METTL15: variants seen among roughly 807,000 people sequenced by gnomAD.
METTL15 encodes 12S rRNA N(4)-cytidine methyltransferase METTL15.
Under a neutral mutation model 38.3 loss-of-function variants are expected in METTL15, and 34 were observed. That is an observed-to-expected ratio of 0.89 (90% CI 0.68 to 1.18). METTL15 has a LOEUF of 1.18. METTL15 is among the 50% of genes most tolerant of loss of function. The probability of loss-of-function intolerance (pLI) is 0.00; values close to 1 mark genes in which losing one functional copy is unlikely to be tolerated. For missense variants in METTL15, 438 were observed against 498.4 expected (o/e 0.88, Z 1.15); for synonymous variants, 162 against 170.9 (o/e 0.95, Z 0.41).
chr11:28,194,210 T>TC (rs1286388425), intron 3 of METTL15, among the ~76,000 whole-genome samples: 1 of 131,764 alleles, frequency 7.6e-6, no homozygotes, highest in Non-Finnish European at 1.6e-5. Context: ...TCTCTCTCTC[T>TC]CTTAATATAT....
intron 4 of METTL15, among the ~76,000 whole-genome samples, chr11:28,217,664 T>G (rs1590173929): frequency 6.6e-6 from 1 of 152,246 alleles, no homozygotes; most frequent in African/African-American, 2.4e-5. Context: ...ATTGCCTAGG[T>G]TTTCTTCTAG....
chr11:28,531,180 T>C (rs561196724), downstream of METTL15, among the ~76,000 whole-genome samples: 17 of 152,158 alleles, frequency 1.1e-4, no homozygotes, highest in South Asian at 3.5e-3. Context: ...GATTACTATA[T>C]AATCTGATGC....
chr11:28,529,896 T>TA (rs1851834414), downstream of METTL15, among the ~76,000 whole-genome samples: 1 of 152,112 alleles, frequency 6.6e-6, no homozygotes, highest in African/African-American at 2.4e-5. Context: ...CTGAAATCCA[T>TA]AAAAAATTAG....
chr11:28,356,108 T>C (rs566105632), intron 4 of METTL15, among the ~76,000 whole-genome samples: 14 of 152,188 alleles, frequency 9.2e-5, no homozygotes, highest in Non-Finnish European at 1.9e-4. Flanking sequence ...TGTCTCTCAG[T>C]TCAAATGTTA....
intron 4 of METTL15, chr11:28,352,307 G>A (rs1368480941): frequency 7.2e-5 from 11 of 152,114 alleles, no homozygotes; most frequent in Admixed American, 2.0e-4. Flanking sequence ...CTTAATAGCT[G>A]ACCTGTCTAC....
chr11:28,369,744 G>A (rs867782301), intron 5 of METTL15, among the ~76,000 whole-genome samples: 22 of 152,100 alleles, frequency 1.4e-4, no homozygotes, highest in South Asian at 2.1e-4. Context: ...CAAAAGCTGA[G>A]GGAGTTCATC....
intron 3 of METTL15, among the ~76,000 whole-genome samples, chr11:28,195,648 A>G (rs1165226350): frequency 3.3e-5 from 5 of 151,788 alleles, no homozygotes; most frequent in African/African-American, 1.2e-4. Context: ...ATTTTCTCTC[A>G]TTCTCTAGGT....
chr11:28,346,564 C>T (rs1271970801), intron 3 of METTL15, among the ~76,000 whole-genome samples: 1 of 152,066 alleles, frequency 6.6e-6, no homozygotes, highest in Non-Finnish European at 1.5e-5. Context: ...TAAGAATAAA[C>T]TAAAGCAACT....
At position 28,515,760 on chromosome 11, in the gene METTL15, A is replaced by G. The variant is rs114040288; in HGVS notation, c.*425-10718A>G. ...ATTGAACCAGCAGGAATCGAAGTGC[A>G]TGAAGAAGTTACAACCACTTCTTTA... On this transcript the variant is annotated intron_variant and NMD_transcript_variant, in intron 6 of 7. Transcript: ENST00000532947. Among the ~76,000 whole-genome samples, 1,210 of 152,372 alleles carry G rather than the reference A, an allele frequency of 7.9e-3. 24 individuals are homozygous for G. The highest frequency in any genetic ancestry group is 0.027 in the African/African-American group (1,138 of 41,590).
chr11:28,322,902 A>T (rs1432100556), intron 6 of METTL15, among the ~76,000 whole-genome samples: 1 of 152,206 alleles, frequency 6.6e-6, no homozygotes, highest in Non-Finnish European at 1.5e-5. Context: ...GGTACTTGAC[A>T]CTACAAACAT....
intron 4 of METTL15, among the ~76,000 whole-genome samples, chr11:28,269,637 C>A (rs1248524740): frequency 6.6e-6 from 1 of 152,130 alleles, no homozygotes; most frequent in East Asian, 1.9e-4. Context: ...AAAAGGGCCT[C>A]TTAACATTTG....
rs528095899 is a variant in METTL15, at chr11:28,354,586, T to C, written c.*258+2428T>C. ...TACAGAGAATAGAGATCTGGCAGTATGGCTTGAGGGCAGCAGTGGATGAAA... is the reference window on the plus strand; with the variant it reads ...TACAGAGAATAGAGATCTGGCAGTACGGCTTGAGGGCAGCAGTGGATGAAA... On this transcript the variant is annotated intron_variant and NMD_transcript_variant, in intron 4 of 7. Coordinates refer to the METTL15 transcript ENST00000532947. 2.0e-5 allele frequency among the ~76,000 whole-genome samples: 3 copies of C among 152,274 alleles called. No individual in the cohort carries two copies. In the South Asian group the frequency reaches 6.2e-4, roughly 32 times the overall value.
chr11:28,404,302 T>A (rs1041655717), intron 5 of METTL15, among the ~76,000 whole-genome samples: 1 of 152,028 alleles, frequency 6.6e-6, no homozygotes, highest in South Asian at 2.1e-4. Flanking sequence ...TACCATAAAT[T>A]GTTACTACTA....
chr11:28,292,508 T>A (rs199877502), intron 5 of METTL15, among the ~76,000 whole-genome samples: 2 of 152,050 alleles, frequency 1.3e-5, no homozygotes, highest in African/African-American at 4.8e-5. Context: ...GAATAGTGCC[T>A]CAATAAACAT....
intron 3 of METTL15, among the ~76,000 whole-genome samples, chr11:28,166,126 T>G (rs1038436960): frequency 6.6e-6 from 1 of 152,202 alleles, no homozygotes; most frequent in Non-Finnish European, 1.5e-5. Flanking sequence ...TTTCAGGGTC[T>G]TTTGTGGTTA....
intron 6 of METTL15, among the ~76,000 whole-genome samples, chr11:28,437,020 T>C (rs1351498878): frequency 6.6e-6 from 1 of 152,190 alleles, no homozygotes; most frequent in Non-Finnish European, 1.5e-5. Flanking sequence ...TCATCTTTCT[T>C]CCATGCTAGA....
intron 6 of METTL15, among the ~76,000 whole-genome samples, chr11:28,426,203 G>T (rs1309420993): frequency 6.6e-6 from 1 of 152,012 alleles, no homozygotes; most frequent in Non-Finnish European, 1.5e-5. Flanking sequence ...GCGGTATTTG[G>T]TTTTCTGTCC....
At chr11:28,499,910 C>T (rs981696502) in intron 6 of METTL15, among the ~76,000 whole-genome samples, 3 of 152,092 alleles carry the variant, frequency 2.0e-5, no homozygotes, top group African/African-American at 7.2e-5. Flanking sequence ...TCTAACTTTG[C>T]TGATGCATGT....
intron 6 of METTL15, among the ~76,000 whole-genome samples, chr11:28,511,062 C>T (rs1455900298): frequency 6.6e-6 from 1 of 152,102 alleles, no homozygotes; most frequent in African/African-American, 2.4e-5. Flanking sequence ...AGGAAGGCCA[C>T]CTATTGTTAA....
Sources: allele counts gnomAD v4.1 joint callset (sites outside exome capture counted in the v4.1 genomes callset), GRCh38; gene constraint gnomAD v4.1.1; transcripts MANE v1.5; gene names NCBI Gene and HGNC (gene_info 2026-07-23, HGNC 2026-07-21).